AQP11: variants seen among roughly 807,000 people sequenced by gnomAD.
AQP11 encodes aquaporin 11, also known as aquaporin-11.
A neutral mutation model predicts 21.1 loss-of-function variants in AQP11; 20 were observed. The ratio of observed to expected loss-of-function variants is 0.95; its 90% confidence interval spans 0.67 to 1.38. AQP11 has a LOEUF of 1.38. Among genes scored for constraint, AQP11 ranks in the 40% most tolerant of loss-of-function variants. The pLI is 0.00. For missense variants in AQP11, 339 were observed against 340.4 expected (o/e 1.00, Z 0.03); for synonymous variants, 167 against 150.1 (o/e 1.11, Z -0.82).
chr11:77,592,001 C>CA (rs1958751701), intron 1 of AQP11, among the ~76,000 whole-genome samples: 1 of 152,216 alleles, frequency 6.6e-6, no homozygotes, highest in Non-Finnish European at 1.5e-5. Flanking sequence ...CACGGTGGCT[C>CA]ACACCTGTCA....
At chr11:77,591,229 T>G in intron 1 of AQP11, 1 of 957,020 alleles carries the variant, frequency 1.0e-6, no homozygotes, top group African/African-American at 1.8e-5. Flanking sequence ...GATAACTTGC[T>G]TCAAATTAAA....
At chr11:77,591,463 C>A in intron 1 of AQP11, 1 of 434,374 alleles carries the variant, frequency 2.3e-6, no homozygotes. Flanking sequence ...GCAGAAATAA[C>A]AACAAAGGAA....
chr11:77,591,545 C>G (rs1958747964), intron 1 of AQP11, among the ~76,000 whole-genome samples: 1 of 152,156 alleles, frequency 6.6e-6, no homozygotes, highest in African/African-American at 2.4e-5. Flanking sequence ...ATAAGGACTC[C>G]TAAACACGTA....
At chr11:77,598,223 A>G (rs968631147) in intron 1 of AQP11, among the ~76,000 whole-genome samples, 1 of 152,224 alleles carries the variant, frequency 6.6e-6, no homozygotes, top group Non-Finnish European at 1.5e-5. Flanking sequence ...CAGCTTCTAC[A>G]TGGGTGTTAT....
chr11:77,590,781 G>GT (rs1958743356), intron 1 of AQP11, 170 bp downstream of exon 1: 1 of 985,156 alleles, frequency 1.0e-6, no homozygotes, highest in Non-Finnish European at 1.2e-6. Context: ...GGGCCGACAC[G>GT]TAGAGCCTTC....
chr11:77,604,940 TC>T (rs2135750896), intron 2 of AQP11, among the ~76,000 whole-genome samples: 1 of 152,328 alleles, frequency 6.6e-6, no homozygotes, highest in East Asian at 1.9e-4. Flanking sequence ...ACGCCTGTAA[TC>T]CCAGTACTTT....
At chr11:77,606,365 C>T (rs1204667343) in intron 2 of AQP11, among the ~76,000 whole-genome samples, 1 of 152,128 alleles carries the variant, frequency 6.6e-6, no homozygotes, top group Non-Finnish European at 1.5e-5. Flanking sequence ...GCTAAATCTT[C>T]TCCCTTTACA....
rs1330668372 is a variant in AQP11, at chr11:77,602,386, T to G, written c.620-1170T>G. Among the ~76,000 whole-genome samples the G allele has an allele frequency of 2.0e-5, 3 of 152,228 alleles. No individual in the cohort carries two copies. The East Asian group carries it at 5.9e-4, about 30-fold the overall frequency. ...TGGTATCTAGTACACAGGAACTCAA[T>G]AAGTTTTTGTGTAATCAAACTGAAA... On this transcript the variant is annotated intron_variant, in intron 1 of 2. Transcript: ENST00000313578.
At chr11:77,601,679 A>G (rs956484692) in intron 1 of AQP11, among the ~76,000 whole-genome samples, 1 of 152,068 alleles carries the variant, frequency 6.6e-6, no homozygotes, top group African/African-American at 2.4e-5. Flanking sequence ...ATTTTTCATG[A>G]TTCTGTGGGT....
In AQP11 at chr11:77,591,163, T is replaced by C. The variant is rs937596949; in HGVS notation, c.619+552T>C. The stretch of plus-strand genomic sequence containing the variant: ...ATGAAATTTCTTATTTCCTTAATAA[T>C]TCATTTTGAGTTATACATGAACTTT... On this transcript the variant is annotated intron_variant, in intron 1 of 2. Coordinates refer to ENST00000313578, the MANE Select transcript of AQP11 (RefSeq NM_173039.3). The C allele has an allele frequency of 6.3e-6, 6 of 953,830 alleles. No individual in the cohort carries two copies. The African/African-American group carries it at 8.8e-5, about 14-fold the overall frequency. The allele number at this position is 953,830 out of a possible 1,614,324, so 59.1% of individuals were successfully genotyped here. A position where few individuals can be genotyped will look rare whatever the true frequency, so the allele number is the denominator to read the frequency against.
In AQP11 at chr11:77,590,071, C is replaced by T. The variant is rs1460240298; in HGVS notation, c.79C>T (p.Leu27Phe). The change falls in exon 1 of 3, where the codon CTC becomes TTC. Residue 27 changes from leucine to phenylalanine, a missense_variant. Physicochemically the swap from Leu to Phe is conservative, Grantham distance 22 (BLOSUM62 0). Coordinates refer to ENST00000313578, the MANE Select transcript of AQP11 (RefSeq NM_173039.3). ...GGGACTGATGCTGTCGGTGGTGCTG[C>T]TCATGGGGCTGGCCCGCGTAGTCGC... ...SLGLMLSVVL[L>F]MGLARVVARQ... The T allele has an allele frequency of 6.2e-7, 1 of 1,605,620 alleles. No homozygotes were observed. The highest frequency in any genetic ancestry group is 8.5e-7 in the Non-Finnish European group (1 of 1,178,376).
At chr11:77,597,649 G>A (rs1958790999) in intron 1 of AQP11, among the ~76,000 whole-genome samples, 2 of 152,170 alleles carry the variant, frequency 1.3e-5, no homozygotes, top group Non-Finnish European at 1.5e-5. Flanking sequence ...AATGAAAAGT[G>A]GAGTTTGGAG....
At chr11:77,608,148 T>C (rs1490211560) in intron 2 of AQP11, among the ~76,000 whole-genome samples, 1 of 152,258 alleles carries the variant, frequency 6.6e-6, no homozygotes, top group Non-Finnish European at 1.5e-5. Context: ...GCTTTAAGCC[T>C]GAATACATTC....
chr11:77,596,210 T>G (rs1820651311), intron 1 of AQP11, among the ~76,000 whole-genome samples: 2 of 152,004 alleles, frequency 1.3e-5, no homozygotes, highest in South Asian at 4.1e-4. Context: ...CACAGCCTAT[T>G]CATTATCGTC....
At chr11:77,595,509 TTTTA>T (rs1958773290) in intron 1 of AQP11, among the ~76,000 whole-genome samples, 1 of 152,248 alleles carries the variant, frequency 6.6e-6, no homozygotes. Context: ...ACCACATTTG[TTTTA>T]TTTGTCATAA....
intron 1 of AQP11, chr11:77,591,228 C>G (rs1200310281): frequency 1.0e-6 from 1 of 954,838 alleles, no homozygotes. Context: ...TGATAACTTG[C>G]TTCAAATTAA....
intron 1 of AQP11, among the ~76,000 whole-genome samples, chr11:77,593,966 A>T (rs1958764077): frequency 6.6e-6 from 1 of 152,238 alleles, no homozygotes; most frequent in Admixed American, 6.5e-5. Context: ...ACACAAAAAG[A>T]CAAATACTGT....
chr11:77,595,875 C>T (rs1342501169), intron 1 of AQP11, among the ~76,000 whole-genome samples: 1 of 151,758 alleles, frequency 6.6e-6, no homozygotes, highest in Non-Finnish European at 1.5e-5. Context: ...ATCCCCTGAG[C>T]CCTGGAGGCG....
chr11:77,609,209 A>C, intron 2 of AQP11, 89 bp from the exon 3 acceptor site: 1 of 884,140 alleles, frequency 1.1e-6, no homozygotes, highest in African/African-American at 1.7e-5. Flanking sequence ...ACATCTAGGT[A>C]TATAATTGTA....
Sources: gnomAD v4.1 joint callset for allele counts (sites outside exome capture counted in the v4.1 genomes callset) on GRCh38, gnomAD v4.1.1 for gene constraint, MANE v1.5 for transcripts, NCBI Gene and HGNC (gene_info 2026-07-23, HGNC 2026-07-21) for gene names.